Variants in CES4A observed in about 807,000 individuals in gnomAD.
CES4A encodes carboxylesterase 6.
Under a neutral mutation model 65.4 loss-of-function variants are expected in CES4A, and 48 were observed. That is an observed-to-expected ratio of 0.73 (90% confidence interval 0.58 to 0.93). CES4A has a LOEUF of 0.93. Among genes scored for constraint, CES4A ranks in the 40% least tolerant of loss-of-function variants. The probability of loss-of-function intolerance (pLI) is 0.00; values close to 1 mark genes in which losing one functional copy is unlikely to be tolerated. For missense variants in CES4A, 685 were observed against 728.5 expected (o/e 0.94, Z 0.69); for synonymous variants, 247 against 281.8 (o/e 0.88, Z 1.24).
chr16:66,989,793 T>G (rs558768038), intron 1 of CES4A, among the ~76,000 whole-genome samples: 1 of 151,466 alleles, frequency 6.6e-6, no homozygotes, highest in South Asian at 2.1e-4. Context: ...AGGCAGAGGT[T>G]GTAGTGAGCC....
chr16:66,990,047 CTTTTTTTTTTT>C lies in CES4A; in HGVS notation c.58+1228_58+1238del, dbSNP rs1009395226. 2.0e-4 allele frequency among the ~76,000 whole-genome samples: 24 copies of C among 121,418 alleles called. No individual in the cohort carries two copies. In the East Asian group the frequency reaches 5.0e-3, roughly 25 times the overall value. 79.7% of individuals were successfully genotyped at this position (121,418 alleles called of 152,430 possible). On this transcript the variant is annotated intron_variant, in intron 1 of 13. Transcript: ENST00000648724. ...TTGGCGCATTTTCTTTTCATCTTTT[CTTTTTTTTTTT>C]TTTTTTTTTTGAGACGGAGTCTCGC...
intron 1 of CES4A, among the ~76,000 whole-genome samples, chr16:66,995,086 C>T (rs1365839318): frequency 2.0e-5 from 3 of 151,660 alleles, no homozygotes; most frequent in Admixed American, 6.6e-5. Flanking sequence ...CCAAGGCGGG[C>T]AGATCACGAG....
At chr16:67,005,960 C>CT (rs1239819360) in intron 11 of CES4A, 1 of 187,134 alleles carries the variant, frequency 5.3e-6, no homozygotes, top group African/African-American at 2.4e-5. Flanking sequence ...GGCTTCCTGG[C>CT]TGAGAGGACA....
At chr16:67,008,720 C>T in intron 13 of CES4A, 1 of 425,008 alleles carries the variant, frequency 2.4e-6, no homozygotes, top group Non-Finnish European at 4.3e-6. Flanking sequence ...TCTGTTTTTA[C>T]CTAACTCTTG....
chr16:66,998,840 G>A (rs578259836), intron 2 of CES4A, among the ~76,000 whole-genome samples: 2 of 151,690 alleles, frequency 1.3e-5, no homozygotes, highest in African/African-American at 2.4e-5. Context: ...CAGCCTGGCC[G>A]ACAGAGCGAG....
chr16:67,003,950 C>T lies in CES4A; in HGVS notation c.940-134C>T, dbSNP rs1159303013. On this transcript the variant is annotated intron_variant, in intron 8 of 13. Transcript: ENST00000648724. The surrounding 1 kb of genome is among the most constrained non-coding windows in gnomAD (Gnocchi z 4.2). ...CCCTCCCACACCCATCCTCCTGGGG[C>T]TCACCATGCCAGCCCCAGCCTTTTC... 1 of 930,146 alleles carries T rather than the reference C, an allele frequency of 1.1e-6. No homozygotes were observed. Among genetic ancestry groups the T allele is most frequent in the African/African-American group, 1.7e-5 (1 of 60,476 alleles). 57.6% of individuals were successfully genotyped at this position (930,146 alleles called of 1,614,324 possible). A position where few individuals can be genotyped will look rare whatever the true frequency, so the allele number is the denominator to read the frequency against.
intron 2 of CES4A, 58 bp downstream of exon 2, chr16:66,995,887 G>A: frequency 6.7e-7 from 1 of 1,501,424 alleles, no homozygotes; most frequent in South Asian, 1.2e-5. Flanking sequence ...CTGCATCTGG[G>A]TGGGGCTTTG....
intron 13 of CES4A, chr16:67,008,694 C>T: frequency 3.0e-6 from 1 of 332,894 alleles, no homozygotes; most frequent in South Asian, 3.9e-5. Flanking sequence ...GCCACCAGGC[C>T]TGGCCACACA....
chr16:66,992,250 AT>A (rs1157461655), intron 1 of CES4A, among the ~76,000 whole-genome samples: 1 of 152,198 alleles, frequency 6.6e-6, no homozygotes, highest in Non-Finnish European at 1.5e-5. Context: ...CAAACGGGAG[AT>A]TTGAGCTGGC....
exon 14 of CES4A, chr16:67,009,247 A>G: frequency 8.6e-7 from 1 of 1,157,946 alleles, no homozygotes. Flanking sequence ...TACCCACCCC[A>G]GTTTAGAACT....
chr16:67,003,251 T>C lies in CES4A; in HGVS notation c.796-5T>C. On this transcript the variant is annotated splice_region_variant and splice_polypyrimidine_tract_variant and intron_variant, in intron 6 of 13. Transcript: ENST00000648724. This position sits in a 1 kb window ranked among gnomAD's most constrained non-coding sequence, Gnocchi z 4.2. ...ACCACTGAGCATCCTTTCTTCTCTCTATAGAAGGTTGCCCACCTGGCTGGA... is the reference window on the plus strand; with the variant it reads ...ACCACTGAGCATCCTTTCTTCTCTCCATAGAAGGTTGCCCACCTGGCTGGA... The C allele has an allele frequency of 6.2e-7, 1 of 1,613,928 alleles. No homozygotes were observed. The highest frequency in any genetic ancestry group is 1.1e-5 in the South Asian group (1 of 91,078).
chr16:67,001,035 G>C lies in CES4A; in HGVS notation c.536+45G>C, dbSNP rs1382719700. 2 of 1,593,408 alleles carry C rather than the reference G, an allele frequency of 1.3e-6. No individual in the cohort carries two copies. Among genetic ancestry groups the C allele is most frequent in the South Asian group, 1.1e-5 (1 of 89,460 alleles). On this transcript the variant is annotated intron_variant, in intron 4 of 13. Transcript: ENST00000648724. The surrounding 1 kb of genome is among the most constrained non-coding windows in gnomAD (Gnocchi z 4.1). Reference sequence around the variant, plus strand: ...TTGGGACCGCAGCTGTGGCCAGAGCGGCGGGGACTGGGTGGGAAGGGAGGG... The same window carrying C: ...TTGGGACCGCAGCTGTGGCCAGAGCCGCGGGGACTGGGTGGGAAGGGAGGG...
chr16:66,994,281 G>A (rs1446707636), intron 1 of CES4A, among the ~76,000 whole-genome samples: 2 of 146,960 alleles, frequency 1.4e-5, no homozygotes, highest in African/African-American at 2.5e-5. Flanking sequence ...CTGTTGCCCA[G>A]GCTGGAGTGC....
rs1286810718 is a variant in CES4A at position 66,988,882 on chromosome 16, T to A, written c.58+52T>A. On this transcript the variant is annotated intron_variant, in intron 1 of 13. Coordinates refer to ENST00000648724, the Ensembl canonical transcript of CES4A. ...TGTCAGGCAAGACGGGCACAAGGGA[T>A]GGAGGGACAGGCCCCAGTTCAACCT... is the stretch of plus-strand genomic sequence containing the variant. 3 of 1,526,338 alleles carry A rather than the reference T, an allele frequency of 2.0e-6. No individual in the cohort carries two copies. The Admixed American group carries it at 6.1e-5, about 31-fold the overall frequency. The allele number at this position is 1,526,338 out of a possible 1,614,324, so 94.5% of individuals were successfully genotyped here. A position where few individuals can be genotyped will look rare whatever the true frequency, so the allele number is the denominator to read the frequency against.
chr16:66,988,787 G>C, exon 1 of CES4A: 3 of 1,567,116 alleles, frequency 1.9e-6, no homozygotes, highest in Non-Finnish European at 2.6e-6. Context: ...GGTGGATTCT[G>C]TGCTGGAGCC....
In CES4A at chr16:67,003,398, G is replaced by C. The variant is rs766826658; in HGVS notation, c.900+38G>C. 6.2e-7 allele frequency: 1 copy of C among 1,605,196 alleles called. No individual in the cohort carries two copies. Among genetic ancestry groups the C allele is most frequent in the Admixed American group, 1.7e-5 (1 of 60,004 alleles). On this transcript the variant is annotated intron_variant, in intron 7 of 13. Transcript: ENST00000648724. The surrounding 1 kb of genome is among the most constrained non-coding windows in gnomAD (Gnocchi z 4.2). ...TTCCAGCTGCCTGACCTGGCTGCCT[G>C]AGGGCCATCCTCCTATCCTGGTACC...
chr16:67,000,880 C>T lies in CES4A; in HGVS notation c.426C>T (p.Gly142=). 5 of 1,605,912 alleles carry T rather than the reference C, an allele frequency of 3.1e-6. No homozygotes were observed. Among genetic ancestry groups the T allele is most frequent in the South Asian group, 1.1e-5 (1 of 89,476 alleles). The change falls in exon 4 of 14, where the codon GGC becomes GGT. Residue 142 remains glycine (G), a synonymous_variant. Coordinates refer to ENST00000648724, the Ensembl canonical transcript of CES4A. This position sits in a 1 kb window ranked among gnomAD's most constrained non-coding sequence, Gnocchi z 4.2. ...AGGTGATGGTCTGGTTCCCGGGAGG[C>T]GCCTTCATCGTGGGCGCTGCTTCTT...
chr16:67,001,244 G>C lies in CES4A; in HGVS notation c.537-64G>C, dbSNP rs1175933832. 5 of 1,505,026 alleles carry C rather than the reference G, an allele frequency of 3.3e-6. No homozygotes were observed. Among genetic ancestry groups the C allele is most frequent in the African/African-American group, 1.4e-5 (1 of 72,436 alleles). 93.2% of individuals were successfully genotyped at this position (1,505,026 alleles called of 1,614,324 possible). ...TGGGCTGGGTGGGGGAAGCCCAGGA[G>C]GGCAGCCCAACGCGCCCCGACTGTC... is the stretch of plus-strand genomic sequence containing the variant. On this transcript the variant is annotated intron_variant, in intron 4 of 13. Transcript: ENST00000648724. The surrounding 1 kb of genome is among the most constrained non-coding windows in gnomAD (Gnocchi z 4.1).
intron 2 of CES4A, 129 bp downstream of exon 2, chr16:66,995,958 C>A: frequency 2.3e-6 from 2 of 861,868 alleles, no homozygotes; most frequent in Non-Finnish European, 3.7e-6. Context: ...CCATTCTGGG[C>A]CTCAGTTTTC....
Sources: gnomAD v4.1 joint callset for allele counts (sites outside exome capture counted in the v4.1 genomes callset) on GRCh38, gnomAD v4.1.1 for gene constraint, Gnocchi (gnomAD v3.1) non-coding constraint, MANE v1.5 for transcripts, NCBI Gene and HGNC (gene_info 2026-07-23, HGNC 2026-07-21) for gene names.